Variants in ZNF385D observed in about 807,000 individuals in gnomAD.
ZNF385D encodes the protein zinc finger protein 385D.
A neutral mutation model predicts 35.8 loss-of-function variants in ZNF385D; 15 were observed. The observed-to-expected ratio is 0.42, with a 90% confidence interval of 0.28 to 0.64. ZNF385D has a LOEUF of 0.64. ZNF385D is among the 30% of genes least tolerant of loss of function. ZNF385D has a pLI of 0.23. For synonymous variants in ZNF385D, 212 were observed against 186.8 expected, an observed-to-expected ratio of 1.13 and a Z score of -1.10; for missense variants, 474 against 494.6, an observed-to-expected ratio of 0.96 and a Z score of 0.39.
At chr3:21,836,112 T>C (rs2670281) in intron 3 of ZNF385D, among the ~76,000 whole-genome samples, 1 of 151,900 alleles carries the variant, frequency 6.6e-6, no homozygotes. Flanking sequence ...TTGCAGATTA[T>C]GGAAGCAAAT....
intron 1 of ZNF385D, among the ~76,000 whole-genome samples, chr3:21,705,384 T>C (rs2067858469): frequency 6.6e-6 from 1 of 152,240 alleles, no homozygotes; most frequent in Non-Finnish European, 1.5e-5. Context: ...CCTATATTTA[T>C]ATTTTTAAAG....
At chr3:21,939,070 C>G (rs1701395039) in intron 3 of ZNF385D, among the ~76,000 whole-genome samples, 1 of 152,126 alleles carries the variant, frequency 6.6e-6, no homozygotes, top group Non-Finnish European at 1.5e-5. Flanking sequence ...ATTTTCCATG[C>G]TGGCAACTAA....
At chr3:21,438,048 T>G (rs1701660633) in intron 4 of ZNF385D, among the ~76,000 whole-genome samples, 1 of 152,140 alleles carries the variant, frequency 6.6e-6, no homozygotes. Context: ...GGCTCTAAAG[T>G]CTGATGCTAA....
intron 3 of ZNF385D, among the ~76,000 whole-genome samples, chr3:21,944,781 ATTATT>A (rs2125282966): frequency 6.6e-6 from 1 of 152,252 alleles, no homozygotes; most frequent in African/African-American, 2.4e-5. Flanking sequence ...ATTATTTTAT[ATTATT>A]TTATGACACA....
At chr3:22,340,775 A>G (rs1695386445) in intron 2 of ZNF385D, among the ~76,000 whole-genome samples, 1 of 152,240 alleles carries the variant, frequency 6.6e-6, no homozygotes, top group African/African-American at 2.4e-5. Flanking sequence ...ATAAGTAATT[A>G]ACTGCACCCA....
At chr3:21,803,400 C>A (rs1194372291) in intron 3 of ZNF385D, among the ~76,000 whole-genome samples, 2 of 151,992 alleles carry the variant, frequency 1.3e-5, no homozygotes, top group African/African-American at 2.4e-5. Flanking sequence ...ATCTGGACAC[C>A]ATGTTTTCTT....
In ZNF385D at chr3:22,150,220, G is replaced by A. The variant is rs567488948; in HGVS notation, c.325+18597C>T. On this transcript the variant is annotated intron_variant, in intron 3 of 5. Coordinates refer to the ZNF385D transcript ENST00000494108. ...TTTAGGAAGATCCTCCTTTCTTAAT[G>A]TCCATATTTCCAACTTTCCCTCTAT... Among the ~76,000 whole-genome samples the A allele has an allele frequency of 2.6e-5, 4 of 152,236 alleles. No homozygotes were observed. In the East Asian group the frequency reaches 7.7e-4, roughly 29 times the overall value.
At chr3:21,650,188 A>G (rs1270478370) in intron 2 of ZNF385D, among the ~76,000 whole-genome samples, 2 of 152,230 alleles carry the variant, frequency 1.3e-5, no homozygotes, top group East Asian at 1.9e-4. Context: ...AAAGAATTAT[A>G]TATGTAATAA....
At chr3:22,173,098 T>C (rs1363466801) in intron 2 of ZNF385D, among the ~76,000 whole-genome samples, 1 of 152,144 alleles carries the variant, frequency 6.6e-6, no homozygotes, top group Non-Finnish European at 1.5e-5. Context: ...ACAGAAATAA[T>C]AGACAAACAC....
intron 2 of ZNF385D, among the ~76,000 whole-genome samples, chr3:21,572,256 TAATAC>T (rs1180011840): frequency 6.6e-6 from 1 of 152,212 alleles, no homozygotes; most frequent in Non-Finnish European, 1.5e-5. Flanking sequence ...AAACTTTTTA[TAATAC>T]AATACTTGTA....
chr3:21,714,569 G>A (rs868377100), intron 1 of ZNF385D, among the ~76,000 whole-genome samples: 1 of 152,304 alleles, frequency 6.6e-6, no homozygotes, highest in Middle Eastern at 3.4e-3. Context: ...CCTGAACACA[G>A]ACACCACTCT....
chr3:22,191,186 T>C (rs544884673), intron 2 of ZNF385D, among the ~76,000 whole-genome samples: 11 of 152,196 alleles, frequency 7.2e-5, no homozygotes, highest in Admixed American at 2.6e-4. Flanking sequence ...GTGTGCCATA[T>C]TGACCTTATA....
intron 2 of ZNF385D, among the ~76,000 whole-genome samples, chr3:22,333,726 C>T (rs540892188): frequency 1.3e-5 from 2 of 152,262 alleles, no homozygotes; most frequent in African/African-American, 4.8e-5. Context: ...CACTGCTGCA[C>T]TGAAAGGAGA....
At chr3:22,340,041 G>C (rs981139233) in intron 2 of ZNF385D, among the ~76,000 whole-genome samples, 3 of 151,952 alleles carry the variant, frequency 2.0e-5, no homozygotes, top group African/African-American at 7.3e-5. Flanking sequence ...ATAAAACTCA[G>C]ACATTTTCAT....
chr3:21,893,450 A>C (rs1679208), intron 3 of ZNF385D, among the ~76,000 whole-genome samples: 2 of 151,986 alleles, frequency 1.3e-5, no homozygotes, highest in African/African-American at 4.8e-5. Context: ...TGGTCTGGGA[A>C]TTAGCACATG....
rs1694917932 is a variant in ZNF385D at position 21,988,093 on chromosome 3, A to T, written c.325+180724T>A. On this transcript the variant is annotated intron_variant, in intron 3 of 5. Transcript: ENST00000494108. ...TTCTAAATTTTTTTCAAAGTTTTCA[A>T]CTTCTTTGCCTTTGGTTTGAATGTC... Among the ~76,000 whole-genome samples, 2 of 131,486 alleles carry T rather than the reference A, an allele frequency of 1.5e-5. 1 individual carries two copies. The highest frequency in any genetic ancestry group is 5.9e-4 in the South Asian group (2 of 3,362). The allele number at this position is 131,486 out of a possible 152,430, so 86.3% of individuals were successfully genotyped here. A position where few individuals can be genotyped will look rare whatever the true frequency, so the allele number is the denominator to read the frequency against.
chr3:21,771,270 A>T (rs1163281217), intron 3 of ZNF385D, among the ~76,000 whole-genome samples: 4 of 151,812 alleles, frequency 2.6e-5, no homozygotes, highest in Non-Finnish European at 5.9e-5. Context: ...GAAGCCTTAA[A>T]TGTACACCTC....
At chr3:21,884,580 A>G (rs1439477052) in intron 3 of ZNF385D, among the ~76,000 whole-genome samples, 2 of 152,086 alleles carry the variant, frequency 1.3e-5, no homozygotes, top group African/African-American at 4.8e-5. Context: ...AATTAATTAC[A>G]TATCCTTGCA....
chr3:21,687,339 T>C (rs960277333), intron 1 of ZNF385D, among the ~76,000 whole-genome samples: 1 of 152,222 alleles, frequency 6.6e-6, no homozygotes, highest in Non-Finnish European at 1.5e-5. Context: ...CCAGTTGCTT[T>C]TGGAGTTCGT....
Sources: gnomAD v4.1 joint callset for allele counts (sites outside exome capture counted in the v4.1 genomes callset) on GRCh38, gnomAD v4.1.1 for gene constraint, MANE v1.5 for transcripts, NCBI Gene and HGNC (gene_info 2026-07-23, HGNC 2026-07-21) for gene names.